Variants in CYP4B1 observed in about 807,000 individuals in gnomAD.
The protein encoded by CYP4B1 is cytochrome P450 family 4 subfamily B member 1, also known as cytochrome P450 4B1.
In CYP4B1, 45 loss-of-function variants were observed where a neutral mutation model predicts 54.0. That is an observed-to-expected ratio of 0.83 (90% CI 0.66 to 1.07). The LOEUF (loss-of-function observed/expected upper bound fraction) is 1.07, where lower values mean the gene tolerates loss of function less well. Among genes scored for constraint, CYP4B1 ranks in the 50% least tolerant of loss-of-function variants. The pLI, the probability that CYP4B1 is intolerant of heterozygous loss-of-function variation, is 0.00. For missense variants in CYP4B1, 656 were observed against 655.4 expected, an observed-to-expected ratio of 1.00 and a Z score of -0.01; for synonymous variants, 248 against 247.5, an observed-to-expected ratio of 1.00 and a Z score of -0.02.
Position 46,812,503 on chromosome 1 carries a change from C to T in CYP4B1, c.375C>T (p.Gly125=), listed in dbSNP as rs753069733. The T allele has an allele frequency of 1.2e-6, 2 of 1,612,662 alleles. No homozygotes were observed. The highest frequency in any genetic ancestry group is 2.2e-5 in the East Asian group (1 of 44,864). ...YDFFLQWIGR[G]LLVLEGPKWL... ...CTCCCATCCCTTCCCCAGGGAGAGG[C>T]CTGCTGGTTCTTGAGGGGCCCAAGT... Residue 125 remains glycine, a synonymous_variant, in exon 4 of 12, where the codon GGC becomes GGT. Coordinates refer to ENST00000371923, the MANE Select transcript of CYP4B1 (RefSeq NM_001099772.2).
intron 1 of CYP4B1, among the ~76,000 whole-genome samples, chr1:46,805,019 T>G (rs189480804): frequency 6.2e-4 from 94 of 152,344 alleles, no homozygotes; most frequent in African/African-American, 2.2e-3. Flanking sequence ...TGTATGCTGG[T>G]GGGGCAGGGC....
At chr1:46,816,752 G>A (rs1303849377) in intron 8 of CYP4B1, among the ~76,000 whole-genome samples, 2 of 152,204 alleles carry the variant, frequency 1.3e-5, no homozygotes, top group Non-Finnish European at 2.9e-5. Flanking sequence ...GGTCCTGAGA[G>A]TTGCAGAAGT....
chr1:46,814,399 C>T, intron 7 of CYP4B1, 84 bp downstream of exon 7: 1 of 968,270 alleles, frequency 1.0e-6, no homozygotes, highest in Non-Finnish European at 1.6e-6. Context: ...AGAAGGAGCT[C>T]TTAAGCATTT....
chr1:46,806,175 G>A (rs1476635814), intron 1 of CYP4B1, among the ~76,000 whole-genome samples: 2 of 152,232 alleles, frequency 1.3e-5, no homozygotes, highest in Non-Finnish European at 2.9e-5. Context: ...CTTACTGGGT[G>A]AAGGTGCTGG....
In CYP4B1 at chr1:46,813,919, A is replaced by C; in HGVS notation, c.631A>C (p.Ser211Arg). 6.2e-7 allele frequency: 1 copy of C among 1,614,104 alleles called. No individual in the cohort carries two copies. Among genetic ancestry groups the C allele is most frequent in the Non-Finnish European group, 8.5e-7 (1 of 1,179,992 alleles). ...CTACCCTCTGCTTAGCAGGGACAGC[A>C]GCTACTACCTTGCAGTCAGCGATCT... Reference protein sequence around the residue: ...DTGLGHSRDSSYYLAVSDLTL... With the variant: ...DTGLGHSRDSRYYLAVSDLTL... Residue 211 changes from serine to arginine, a missense_variant, in exon 6 of 12, where the codon AGC (serine) becomes CGC (arginine). Ser to Arg is a moderately radical substitution (Grantham distance 110). Transcript: ENST00000371923.
At chr1:46,816,364 A>G (rs558144507) in intron 8 of CYP4B1, among the ~76,000 whole-genome samples, 1 of 152,308 alleles carries the variant, frequency 6.6e-6, no homozygotes, top group South Asian at 2.1e-4. Context: ...CAATGTGAAC[A>G]CAACCCGAGG....
intron 1 of CYP4B1, among the ~76,000 whole-genome samples, chr1:46,800,799 A>G (rs995505443): frequency 6.6e-6 from 1 of 152,132 alleles, no homozygotes; most frequent in Admixed American, 6.5e-5. Context: ...ACCCTGTAAC[A>G]TGCATCCTGA....
At chr1:46,800,242 C>CTTTCTTTTTCTTTCT (rs1557484732) in intron 1 of CYP4B1, among the ~76,000 whole-genome samples, 3 of 79,656 alleles carry the variant, frequency 3.8e-5, no homozygotes, top group African/African-American at 1.7e-4. Context: ...TCTTTCTTTC[C>CTTTCTTTTTCTTTCT]TTCCTTCCTT....
chr1:46,804,871 T>C (rs943599688), intron 1 of CYP4B1, among the ~76,000 whole-genome samples: 7 of 152,080 alleles, frequency 4.6e-5, no homozygotes, highest in Non-Finnish European at 8.8e-5. Flanking sequence ...CACCTTAGAG[T>C]GGCCTTCCTG....
Position 46,812,042 on chromosome 1 carries a change from G to C in CYP4B1, c.368-454G>C, listed in dbSNP as rs371496044. ...TTTCCATTGCTGGGTGTGTTGGAGT[G>C]GGGTAGGAAGGGTCCCACCTGAGGC... On this transcript the variant is annotated intron_variant, in intron 3 of 11. Coordinates refer to ENST00000371923, the MANE Select transcript of CYP4B1 (RefSeq NM_001099772.2). 38 of 389,754 alleles carry C rather than the reference G, an allele frequency of 9.7e-5. No individual in the cohort carries two copies. In the East Asian group the frequency reaches 1.7e-3, roughly 18 times the overall value. The allele number at this position is 389,754 out of a possible 1,614,324, so 24.1% of individuals were successfully genotyped here.
At chr1:46,802,293 C>G (rs570309280) in intron 1 of CYP4B1, among the ~76,000 whole-genome samples, 1 of 152,098 alleles carries the variant, frequency 6.6e-6, no homozygotes, top group Non-Finnish European at 1.5e-5. Context: ...TGTGAGAGTG[C>G]CCTTGACCTT....
intron 1 of CYP4B1, among the ~76,000 whole-genome samples, chr1:46,806,350 A>T (rs549475312): frequency 6.6e-6 from 1 of 152,324 alleles, no homozygotes; most frequent in East Asian, 1.9e-4. Flanking sequence ...ATTCTGAAGC[A>T]GCCCCCTGGG....
chr1:46,818,734 A>G lies in CYP4B1; in HGVS notation c.1459A>G (p.Lys487Glu), dbSNP rs995200033. The change falls in exon 12 of 12, where the codon AAG (lysine) becomes GAG (glutamate). Residue 487 changes from lysine (K) to glutamate (E), a missense_variant. Lys to Glu is a moderately conservative substitution (Grantham distance 56). Coordinates refer to ENST00000371923, the MANE Select transcript of CYP4B1 (RefSeq NM_001099772.2). ...TCTGGACCCCTCACGGCTGCCCATC[A>G]AGATGCCCCAGCTTGTCCTGCGCTC... ...FSLDPSRLPI[K>E]MPQLVLRSKN... 4 of 1,614,132 alleles carry G rather than the reference A, an allele frequency of 2.5e-6. No homozygotes were observed. Among genetic ancestry groups the G allele is most frequent in the African/African-American group, 1.3e-5 (1 of 75,044 alleles).
rs56059446 is a variant in CYP4B1 at position 46,810,860 on chromosome 1, C to T, written c.233C>T (p.Pro78Leu). Residue 78 changes from proline to leucine, a missense_variant, in exon 2 of 12, where the codon CCG becomes CTG. Coordinates refer to ENST00000371923, the MANE Select transcript of CYP4B1 (RefSeq NM_001099772.2). ...DKVVSWAHQF[P>L]YAHPLWFGQF... ...GTGGTGTCCTGGGCCCACCAGTTCC[C>T]GTATGCCCACCCACTCTGGTTCGGA... 2.3e-4 allele frequency: 369 copies of T among 1,613,950 alleles called. 1 individual carries two copies. Among genetic ancestry groups the T allele is most frequent in the Non-Finnish European group, 8.1e-5 (96 of 1,179,970 alleles).
In CYP4B1 at chr1:46,818,146, C is replaced by A. The variant is rs115133540; in HGVS notation, c.1288C>A (p.Arg430Ser). 2 of 1,614,126 alleles carry A rather than the reference C, an allele frequency of 1.2e-6. No individual in the cohort carries two copies. The highest frequency in any genetic ancestry group is 2.2e-5 in the South Asian group (2 of 91,070). The change falls in exon 11 of 12, where the codon CGC (arginine) becomes AGC (serine). Residue 430 changes from arginine to serine, a missense_variant. Arg to Ser is a moderately radical substitution (Grantham distance 110, BLOSUM62 -1). Coordinates refer to ENST00000371923, the MANE Select transcript of CYP4B1 (RefSeq NM_001099772.2). ...WPDPEVFDSL[R>S]FSTENASKRH... ...GTCCCTTCAGGTCTTTGACTCTCTG[C>A]GCTTTTCCACTGAGAATGCATCCAA...
intron 1 of CYP4B1, among the ~76,000 whole-genome samples, chr1:46,809,126 A>G (rs1678985030): frequency 7.7e-6 from 1 of 129,384 alleles, no homozygotes; most frequent in South Asian, 2.6e-4. Context: ...TAATAAAAAA[A>G]ACCCAAAAAA....
intron 8 of CYP4B1, among the ~76,000 whole-genome samples, chr1:46,815,944 C>T (rs1679317484): frequency 6.6e-6 from 1 of 152,142 alleles, no homozygotes. Context: ...TCCTGAGCAG[C>T]CTCCAAGAGG....
chr1:46,800,219 T>TTC (rs1244845805), intron 1 of CYP4B1, among the ~76,000 whole-genome samples: 1 of 11,862 alleles, frequency 8.4e-5, no homozygotes, highest in African/African-American at 1.3e-4. Flanking sequence ...TTCTTTCTCT[T>TTC]TCTCTCTTTC....
At chr1:46,816,323 G>A (rs1012109861) in intron 8 of CYP4B1, among the ~76,000 whole-genome samples, 1 of 152,206 alleles carries the variant, frequency 6.6e-6, no homozygotes, top group Non-Finnish European at 1.5e-5. Flanking sequence ...TTCAGGCAAA[G>A]AGAGAGAGGT....
Sources: allele counts gnomAD v4.1 joint callset (sites outside exome capture counted in the v4.1 genomes callset), GRCh38; gene constraint gnomAD v4.1.1; transcripts MANE v1.5; gene names NCBI Gene and HGNC (gene_info 2026-07-23, HGNC 2026-07-21).